CLIP4: variants seen among roughly 807,000 people sequenced by gnomAD.
CLIP4 encodes the protein CAP-Gly domain containing linker protein family member 4, also known as CAP-Gly domain-containing linker protein 4.
A neutral mutation model predicts 73.1 loss-of-function variants in CLIP4; 47 were observed. The observed-to-expected ratio is 0.64, with a 90% confidence interval of 0.51 to 0.82. The LOEUF is 0.82. Ranked by LOEUF, CLIP4 falls within the 40% of genes least tolerant of loss-of-function variation. The probability of loss-of-function intolerance (pLI) is 0.00; values close to 1 mark genes in which losing one functional copy is unlikely to be tolerated. For synonymous variants in CLIP4, 306 were observed against 295.4 expected (o/e 1.04, Z -0.37); for missense variants, 874 against 852.9 (o/e 1.02, Z -0.31).
In CLIP4 at chr2:29,121,283, G is replaced by A. The variant is rs142072225; in HGVS notation, c.-15-91G>A. Reference sequence around the variant, plus strand: ...TACTGAAAATGTCAGCAGATTTGACGTCAAATAACTTTTAGGCAGTTATTG... The same window carrying A: ...TACTGAAAATGTCAGCAGATTTGACATCAAATAACTTTTAGGCAGTTATTG... On this transcript the variant is annotated intron_variant, in intron 1 of 15. Transcript: ENST00000320081. The A allele has an allele frequency of 8.0e-4, 986 of 1,230,766 alleles. 4 individuals carry two copies. The African/African-American group carries it at 0.012, about 15-fold the overall frequency. 76.2% of individuals were successfully genotyped at this position (1,230,766 alleles called of 1,614,324 possible).
Position 29,133,753 on chromosome 2 carries a change from T to TA in CLIP4, c.467dup (p.Tyr156Ter). The TA allele has an allele frequency of 6.2e-7, 1 of 1,613,576 alleles. No homozygotes were observed. Among genetic ancestry groups the TA allele is most frequent in the Non-Finnish European group, 8.5e-7 (1 of 1,179,814 alleles). ...CTGGACAAACATGAATGCTTTGCATTATGCTGCTTATTTTGATGTCCCTGA... is the reference window on the plus strand; with the variant it reads ...CTGGACAAACATGAATGCTTTGCATTAATGCTGCTTATTTTGATGTCCCTGA... ...SRWTNMNALH[Y>*]AAYFDVPELI... The change falls in exon 5 of 16, where the codon TAT becomes TAAT. Residue 156 changes from tyrosine (Y) to a stop codon, truncating the protein, a stop_gained and frameshift_variant. Coordinates refer to ENST00000320081, the MANE Select transcript of CLIP4 (RefSeq NM_024692.6). LOFTEE classifies it high-confidence loss of function.
rs1365597782 is a variant in CLIP4, at chr2:29,182,760, G to A, written c.*867G>A. 1 of 152,574 alleles carries A rather than the reference G, an allele frequency of 6.6e-6. No homozygotes were observed. Among genetic ancestry groups the A allele is most frequent in the Non-Finnish European group, 1.5e-5 (1 of 68,032 alleles). 9.5% of individuals were successfully genotyped at this position (152,574 alleles called of 1,614,324 possible). A position where few individuals can be genotyped will look rare whatever the true frequency, so the allele number is the denominator to read the frequency against. On this transcript the variant is annotated 3_prime_UTR_variant, in exon 16 of 16. Coordinates refer to ENST00000320081, the MANE Select transcript of CLIP4 (RefSeq NM_024692.6). Reference sequence around the variant, plus strand: ...CTTACTTAACTTCCTTATTGGATATGTTTGTAACACATAAACACAAAGCAC... The same window carrying A: ...CTTACTTAACTTCCTTATTGGATATATTTGTAACACATAAACACAAAGCAC...
chr2:29,161,300 G>T (rs1213515896), intron 12 of CLIP4, among the ~76,000 whole-genome samples: 1 of 152,046 alleles, frequency 6.6e-6, no homozygotes, highest in Non-Finnish European at 1.5e-5. Flanking sequence ...TGTTGTCAAT[G>T]ATTATAATTT....
intron 8 of CLIP4, among the ~76,000 whole-genome samples, chr2:29,147,876 G>A (rs915075606): frequency 2.0e-5 from 3 of 152,080 alleles, no homozygotes; most frequent in Admixed American, 6.6e-5. Context: ...TTGGTTAGTA[G>A]TTTGAGGTTA....
At chr2:29,168,723 C>T (rs1023714566) in intron 14 of CLIP4, among the ~76,000 whole-genome samples, 4 of 151,462 alleles carry the variant, frequency 2.6e-5, no homozygotes, top group African/African-American at 7.3e-5. Context: ...GGGGTTTCAT[C>T]GTGTTAGCCA....
At chr2:29,180,816 A>G (rs981604349) in intron 15 of CLIP4, among the ~76,000 whole-genome samples, 7 of 151,208 alleles carry the variant, frequency 4.6e-5, no homozygotes, top group Non-Finnish European at 8.8e-5. Flanking sequence ...TCTAATTGCT[A>G]TTTTACTGAA....
chr2:29,175,628 G>C (rs556728563), intron 15 of CLIP4: 4 of 152,318 alleles, frequency 2.6e-5, no homozygotes, highest in African/African-American at 9.6e-5. Flanking sequence ...ACGCTCTGTA[G>C]ACGTGAGGTG....
intron 1 of CLIP4, among the ~76,000 whole-genome samples, chr2:29,118,707 A>G (rs1430215785): frequency 1.3e-5 from 2 of 151,676 alleles, no homozygotes; most frequent in Non-Finnish European, 2.9e-5. Flanking sequence ...TTTAGTAGAG[A>G]TGGGGTTTTG....
intron 15 of CLIP4, among the ~76,000 whole-genome samples, chr2:29,178,506 G>A (rs1179373717): frequency 1.3e-5 from 2 of 152,086 alleles, no homozygotes; most frequent in African/African-American, 4.8e-5. Context: ...TAAGCAAAGG[G>A]AGATGAATCA....
chr2:29,174,236 G>A (rs1668188718), intron 14 of CLIP4, 137 bp from the exon 15 acceptor site: 3 of 759,556 alleles, frequency 3.9e-6, no homozygotes, highest in Non-Finnish European at 6.2e-6. Flanking sequence ...ACAGGTGTGA[G>A]CCACCATGCC....
intron 12 of CLIP4, among the ~76,000 whole-genome samples, chr2:29,160,715 T>TC (rs1188809709): frequency 6.6e-6 from 1 of 152,210 alleles, no homozygotes; most frequent in Non-Finnish European, 1.5e-5. Context: ...GTTGTCATTC[T>TC]CCAATTTTAC....
chr2:29,119,962 C>T (rs1664143581), intron 1 of CLIP4, among the ~76,000 whole-genome samples: 1 of 152,124 alleles, frequency 6.6e-6, no homozygotes, highest in Non-Finnish European at 1.5e-5. Flanking sequence ...TCTGTTAACT[C>T]ATTTTTGTAT....
chr2:29,125,943 G>A (rs1260842183), intron 2 of CLIP4, among the ~76,000 whole-genome samples: 2 of 152,218 alleles, frequency 1.3e-5, no homozygotes, highest in Admixed American at 6.5e-5. Context: ...GGGAGGCTGA[G>A]GCAGGTGGAT....
intron 9 of CLIP4, among the ~76,000 whole-genome samples, chr2:29,154,812 A>G (rs1459136678): frequency 6.6e-6 from 1 of 152,116 alleles, no homozygotes; most frequent in Non-Finnish European, 1.5e-5. Context: ...GACAAATTCA[A>G]ACAGCATTGC....
chr2:29,158,586 A>G lies in CLIP4; in HGVS notation c.1399+1239A>G, dbSNP rs577168981. ...AACCCCAGAGACATGTACTTAAAAC[A>G]TGTTTCTCTAGTGAGTAGATATTCC... On this transcript the variant is annotated intron_variant, in intron 11 of 15. Coordinates refer to ENST00000320081, the MANE Select transcript of CLIP4 (RefSeq NM_024692.6). Among the ~76,000 whole-genome samples, 25 of 152,244 alleles carry G rather than the reference A, an allele frequency of 1.6e-4. No homozygotes were observed. In the South Asian group the frequency reaches 4.8e-3, roughly 29 times the overall value.
chr2:29,116,633 T>G (rs548156336), intron 1 of CLIP4, among the ~76,000 whole-genome samples: 4 of 152,252 alleles, frequency 2.6e-5, no homozygotes, highest in Non-Finnish European at 5.9e-5. Flanking sequence ...TTGAACCTGC[T>G]GGAGTCTAGT....
chr2:29,179,191 A>G (rs1051134721), intron 15 of CLIP4, among the ~76,000 whole-genome samples: 1 of 152,176 alleles, frequency 6.6e-6, no homozygotes, highest in Non-Finnish European at 1.5e-5. Flanking sequence ...GCTAATTTTT[A>G]CAGCACTCCT....
At chr2:29,131,026 C>T (rs758488470) in intron 2 of CLIP4, 45 of 922,196 alleles carry the variant, frequency 4.9e-5, no homozygotes, top group Non-Finnish European at 5.9e-5. Context: ...TTGCTTTCCT[C>T]ATGTGCAAAA....
At chr2:29,164,971 G>A (rs984077550) in intron 13 of CLIP4, among the ~76,000 whole-genome samples, 2 of 152,178 alleles carry the variant, frequency 1.3e-5, no homozygotes, top group Admixed American at 1.3e-4. Flanking sequence ...GATCAGGTAA[G>A]CTGGAGAATA....
Sources: gnomAD v4.1 joint callset for allele counts (sites outside exome capture counted in the v4.1 genomes callset) on GRCh38, gnomAD v4.1.1 for gene constraint, MANE v1.5 for transcripts, NCBI Gene and HGNC (gene_info 2026-07-23, HGNC 2026-07-21) for gene names.